Variants in PAM observed in about 807,000 individuals in gnomAD.
PAM encodes peptidylglycine alpha-amidating monooxygenase.
In PAM, 72 loss-of-function variants were observed where a neutral mutation model predicts 122.1. The observed-to-expected ratio is 0.59, with a 90% CI of 0.49 to 0.72. The LOEUF (loss-of-function observed/expected upper bound fraction) is 0.72, where lower values mean the gene tolerates loss of function less well. Among genes scored for constraint, PAM ranks in the 30% least tolerant of loss-of-function variants. The probability of loss-of-function intolerance (pLI) is 0.00; values close to 1 mark genes in which losing one functional copy is unlikely to be tolerated. For missense variants in PAM, 1,106 were observed against 1,183.7 expected (o/e 0.93, Z 0.96); for synonymous variants, 389 against 404.4 (o/e 0.96, Z 0.46).
chr5:102,922,643 A>G (rs1226049730), intron 5 of PAM, among the ~76,000 whole-genome samples: 1 of 152,212 alleles, frequency 6.6e-6, no homozygotes, highest in Non-Finnish European at 1.5e-5. Context: ...TTATATTTCA[A>G]TCTGGTTCTT....
chr5:102,895,351 A>C (rs1052845990), intron 3 of PAM, among the ~76,000 whole-genome samples: 14 of 151,746 alleles, frequency 9.2e-5, no homozygotes, highest in African/African-American at 3.4e-4. Context: ...AAACTAGTAG[A>C]CTAAGTTTTA....
At chr5:102,840,641 T>A (rs7705636) in intron 1 of PAM, among the ~76,000 whole-genome samples, 11,790 of 152,254 alleles carry the variant, frequency 0.077, 776 homozygotes, top group African/African-American at 0.17. Context: ...GATAAGGTGA[T>A]ATATTTTCCA....
intron 1 of PAM, among the ~76,000 whole-genome samples, chr5:102,795,902 C>T (rs1763265988): frequency 6.6e-6 from 1 of 152,148 alleles, no homozygotes; most frequent in Admixed American, 6.5e-5. Context: ...TTTACAATTT[C>T]CATTTTGTCA....
intron 3 of PAM, among the ~76,000 whole-genome samples, chr5:102,883,195 A>C (rs1406589903): frequency 6.6e-6 from 1 of 151,726 alleles, no homozygotes; most frequent in Non-Finnish European, 1.5e-5. Context: ...TGTTTTGGCT[A>C]TGTGGGTTCT....
intron 1 of PAM, among the ~76,000 whole-genome samples, chr5:102,802,083 G>A (rs180787229): frequency 5.6e-4 from 85 of 152,180 alleles, no homozygotes; most frequent in Middle Eastern, 3.4e-3. Context: ...GCGCCCGGCC[G>A]GGAAAAGGTA....
At chr5:102,877,287 T>G (rs990562657) in intron 3 of PAM, among the ~76,000 whole-genome samples, 1 of 152,232 alleles carries the variant, frequency 6.6e-6, no homozygotes, top group Non-Finnish European at 1.5e-5. Flanking sequence ...TAAGAAATGT[T>G]AGCAAGTAGC....
At chr5:102,969,805 A>C (rs1328360793) in intron 14 of PAM, among the ~76,000 whole-genome samples, 1 of 152,152 alleles carries the variant, frequency 6.6e-6, no homozygotes, top group Non-Finnish European at 1.5e-5. Flanking sequence ...GTGTTAGGAG[A>C]GCTCCAGGCT....
intron 3 of PAM, among the ~76,000 whole-genome samples, chr5:102,879,399 T>A (rs1320054554): frequency 6.6e-6 from 1 of 152,224 alleles, no homozygotes; most frequent in East Asian, 1.9e-4. Context: ...GGTTTGGATT[T>A]GTGTCCCTGC....
intron 4 of PAM, among the ~76,000 whole-genome samples, chr5:102,909,095 A>T (rs1028305408): frequency 6.6e-6 from 1 of 151,748 alleles, no homozygotes. Flanking sequence ...AATTTTTTTT[A>T]TTCATGACAT....
chr5:102,823,054 A>AG (rs1289214667), intron 1 of PAM, among the ~76,000 whole-genome samples: 1 of 152,206 alleles, frequency 6.6e-6, no homozygotes, highest in Non-Finnish European at 1.5e-5. Context: ...CAGTTGAAAA[A>AG]GATTTCTGAG....
chr5:103,022,344 C>A (rs952474711), intron 23 of PAM, among the ~76,000 whole-genome samples: 1 of 151,996 alleles, frequency 6.6e-6, no homozygotes, highest in African/African-American at 2.4e-5. Context: ...CTGTGATGAA[C>A]TGGGATACAA....
At chr5:102,779,918 T>TATATATATGTATATATATACACACAC (rs147065045) in intron 1 of PAM, among the ~76,000 whole-genome samples, 1 of 95,704 alleles carries the variant, frequency 1.0e-5, no homozygotes, top group Non-Finnish European at 2.0e-5. Context: ...TATATATATA[T>TATATATATGTATATATATACACACAC]ACACACATAT....
At chr5:102,868,988 A>G (rs1458786770) in intron 3 of PAM, among the ~76,000 whole-genome samples, 1 of 152,242 alleles carries the variant, frequency 6.6e-6, no homozygotes, top group Admixed American at 6.5e-5. Context: ...GGGAAAGAAC[A>G]TACATTGTTT....
chr5:102,766,614 A>G (rs943217452), intron 1 of PAM, among the ~76,000 whole-genome samples: 4 of 152,230 alleles, frequency 2.6e-5, no homozygotes, highest in African/African-American at 9.6e-5. Context: ...GTTTGTGGCC[A>G]GGGGGCTGGG....
intron 1 of PAM, among the ~76,000 whole-genome samples, chr5:102,849,806 A>G (rs752275385): frequency 2.6e-5 from 4 of 152,160 alleles, no homozygotes; most frequent in African/African-American, 9.7e-5. Flanking sequence ...TAGAATATCA[A>G]CATATTCGGG....
chr5:103,028,684 G>C (rs537399461), intron 25 of PAM, among the ~76,000 whole-genome samples: 2 of 152,230 alleles, frequency 1.3e-5, no homozygotes, highest in East Asian at 3.9e-4. Context: ...CATAATACTT[G>C]GGAGCTTTTG....
intron 22 of PAM, 120 bp from the exon 23 acceptor site, chr5:103,019,670 T>C: frequency 1.4e-6 from 1 of 696,352 alleles, no homozygotes; most frequent in East Asian, 2.7e-5. Flanking sequence ...CCTAATATAA[T>C]AATGCATTTG....
At chr5:102,871,806 T>C (rs2151013217) in intron 3 of PAM, among the ~76,000 whole-genome samples, 1 of 149,804 alleles carries the variant, frequency 6.7e-6, no homozygotes, top group East Asian at 1.9e-4. Flanking sequence ...AAGGACTTTA[T>C]ACATTGACCT....
At chr5:102,975,151 T>C (rs546735034) in intron 15 of PAM, among the ~76,000 whole-genome samples, 1 of 152,320 alleles carries the variant, frequency 6.6e-6, no homozygotes, top group South Asian at 2.1e-4. Flanking sequence ...CTCTGTGATA[T>C]TGATTGCGTT....
Sources: gnomAD v4.1 joint callset for allele counts (sites outside exome capture counted in the v4.1 genomes callset) on GRCh38, gnomAD v4.1.1 for gene constraint, MANE v1.5 for transcripts, NCBI Gene and HGNC (gene_info 2026-07-23, HGNC 2026-07-21) for gene names.